The following ATP8A1 variants were observed in gnomAD, a reference collection of about 807,000 sequenced individuals.
ATP8A1 encodes the protein phospholipid-transporting ATPase IA.
Under a neutral mutation model 177.7 loss-of-function variants are expected in ATP8A1, and 90 were observed. The ratio of observed to expected loss-of-function variants is 0.51; its 90% CI spans 0.43 to 0.60. ATP8A1 has a LOEUF of 0.60. Ranked by LOEUF, ATP8A1 falls within the 20% of genes least tolerant of loss-of-function variation. ATP8A1 has a pLI of 0.00. For missense variants in ATP8A1, 1,072 were observed against 1,392.8 expected (o/e 0.77, Z 3.67); for synonymous variants, 493 against 485.9 (o/e 1.01, Z -0.19).
intron 33 of ATP8A1, among the ~76,000 whole-genome samples, chr4:42,434,658 C>T (rs1715709695): frequency 6.6e-6 from 1 of 152,192 alleles, no homozygotes; most frequent in African/African-American, 2.4e-5. Flanking sequence ...CCCTCTGGCT[C>T]TCTTGTTGCA....
At chr4:42,532,147 C>T (rs1456213275) in intron 20 of ATP8A1, among the ~76,000 whole-genome samples, 1 of 151,840 alleles carries the variant, frequency 6.6e-6, no homozygotes, top group Non-Finnish European at 1.5e-5. Context: ...GACACACACA[C>T]ACATAAAATA....
intron 15 of ATP8A1, among the ~76,000 whole-genome samples, chr4:42,559,239 C>T (rs1465050807): frequency 6.6e-6 from 1 of 152,058 alleles, no homozygotes; most frequent in South Asian, 2.1e-4. Flanking sequence ...AGCTAAATGA[C>T]AAACTGGGAA....
At chr4:42,573,305 T>A (rs1255066389) in intron 14 of ATP8A1, among the ~76,000 whole-genome samples, 1 of 152,214 alleles carries the variant, frequency 6.6e-6, no homozygotes, top group African/African-American at 2.4e-5. Context: ...ATCATAAATC[T>A]GAGAACTCTA....
At chr4:42,635,826 T>TAC (rs1739282988) in intron 1 of ATP8A1, among the ~76,000 whole-genome samples, 1 of 129,292 alleles carries the variant, frequency 7.7e-6, no homozygotes, top group Non-Finnish European at 1.7e-5. Flanking sequence ...TGTATGTATG[T>TAC]ATGTAAGCTT....
At chr4:42,438,389 T>C (rs1431212032) in intron 33 of ATP8A1, among the ~76,000 whole-genome samples, 1 of 152,196 alleles carries the variant, frequency 6.6e-6, no homozygotes, top group Non-Finnish European at 1.5e-5. Context: ...ACCATTCGTT[T>C]TCTGATGATG....
chr4:42,446,796 C>T (rs1044343448), intron 30 of ATP8A1, 152 bp from the exon 31 acceptor site: 11 of 615,604 alleles, frequency 1.8e-5, no homozygotes, highest in Non-Finnish European at 2.5e-5. Flanking sequence ...ACCCCAAACA[C>T]TCTTGAGTGC....
intron 6 of ATP8A1, among the ~76,000 whole-genome samples, chr4:42,595,697 T>C (rs567659916): frequency 3.9e-5 from 6 of 152,358 alleles, no homozygotes; most frequent in East Asian, 3.9e-4. Context: ...CCATTTAATT[T>C]TCTTTAATCA....
At chr4:42,484,465 A>G (rs1201214162) in intron 25 of ATP8A1, among the ~76,000 whole-genome samples, 2 of 152,210 alleles carry the variant, frequency 1.3e-5, no homozygotes, top group African/African-American at 4.8e-5. Context: ...TATTGAGAAT[A>G]GTTTAAATTA....
chr4:42,535,775 A>G (rs1308131493), intron 20 of ATP8A1, among the ~76,000 whole-genome samples: 1 of 152,252 alleles, frequency 6.6e-6, no homozygotes, highest in Non-Finnish European at 1.5e-5. Flanking sequence ...ATCTTAGACC[A>G]CAGTGGAATC....
intron 5 of ATP8A1, among the ~76,000 whole-genome samples, chr4:42,612,850 G>A (rs1008423766): frequency 3.9e-5 from 6 of 152,104 alleles, no homozygotes; most frequent in African/African-American, 1.4e-4. Context: ...GAATGAGAGT[G>A]TTACCCTCTG....
At chr4:42,509,950 T>G (rs1055547767) in intron 22 of ATP8A1, among the ~76,000 whole-genome samples, 1 of 152,048 alleles carries the variant, frequency 6.6e-6, no homozygotes, top group Admixed American at 6.6e-5. Context: ...AGAATTTTGC[T>G]CATCTTCATG....
chr4:42,575,070 C>T (rs982458598), intron 13 of ATP8A1, among the ~76,000 whole-genome samples: 36 of 152,244 alleles, frequency 2.4e-4, no homozygotes, highest in Admixed American at 7.8e-4. Flanking sequence ...TAACAGCTTG[C>T]GCAATTAACT....
intron 20 of ATP8A1, 23 bp downstream of exon 20, chr4:42,543,894 A>T (rs1341898752): frequency 1.3e-6 from 2 of 1,556,424 alleles, no homozygotes; most frequent in Non-Finnish European, 1.8e-6. Flanking sequence ...TTATAACTGT[A>T]AAAAATAAAA....
intron 25 of ATP8A1, among the ~76,000 whole-genome samples, chr4:42,483,486 C>T (rs937634383): frequency 6.6e-6 from 1 of 151,934 alleles, no homozygotes; most frequent in African/African-American, 2.4e-5. Flanking sequence ...AGGGGCCACA[C>T]ACATCTTTAT....
intron 18 of ATP8A1, among the ~76,000 whole-genome samples, chr4:42,549,740 G>A (rs924037811): frequency 4.6e-5 from 7 of 151,998 alleles, no homozygotes; most frequent in African/African-American, 1.7e-4. Flanking sequence ...TCAAGGCTAT[G>A]GTTAGCTATG....
chr4:42,574,456 A>G (rs1732210766), intron 14 of ATP8A1, among the ~76,000 whole-genome samples, 163 bp downstream of exon 14: 1 of 152,188 alleles, frequency 6.6e-6, no homozygotes, highest in African/African-American at 2.4e-5. Context: ...GCTAAACTAG[A>G]AACGCGAAAT....
At chr4:42,484,227 A>G (rs1455881071) in intron 25 of ATP8A1, among the ~76,000 whole-genome samples, 2 of 152,242 alleles carry the variant, frequency 1.3e-5, no homozygotes, top group Admixed American at 6.5e-5. Context: ...ATGAGTCAAA[A>G]TAATTTCCAG....
intron 25 of ATP8A1, among the ~76,000 whole-genome samples, chr4:42,474,817 T>C (rs111364497): frequency 7.3e-5 from 11 of 151,062 alleles, no homozygotes; most frequent in African/African-American, 2.2e-4. Flanking sequence ...TTAGAAACAA[T>C]AGGGGAAAGG....
chr4:42,418,810 T>A (rs528487945), intron 35 of ATP8A1, among the ~76,000 whole-genome samples: 3 of 152,326 alleles, frequency 2.0e-5, no homozygotes, highest in Non-Finnish European at 4.4e-5. Flanking sequence ...ATATGGTAGG[T>A]GGCATACTAT....
Sources: allele counts gnomAD v4.1 joint callset (sites outside exome capture counted in the v4.1 genomes callset), GRCh38; gene constraint gnomAD v4.1.1; transcripts MANE v1.5; gene names NCBI Gene and HGNC (gene_info 2026-07-23, HGNC 2026-07-21).